ASB16: variants seen among roughly 807,000 people sequenced by gnomAD.
The protein encoded by ASB16 is ankyrin repeat and SOCS box containing 16, also known as ankyrin repeat and SOCS box protein 16.
ASB16 carries 44 observed loss-of-function variants against 39.1 expected under a neutral mutation model. The ratio of observed to expected loss-of-function variants is 1.13; its 90% CI spans 0.88 to 1.45. The LOEUF (loss-of-function observed/expected upper bound fraction) is 1.45. Ranked by LOEUF, ASB16 falls within the 40% of genes most tolerant of loss-of-function variation. The pLI, the probability that ASB16 is intolerant of heterozygous loss-of-function variation, is 0.00. For synonymous variants in ASB16, 305 were observed against 286.7 expected, an observed-to-expected ratio of 1.06 and a Z score of -0.64; for missense variants, 698 against 634.5, an observed-to-expected ratio of 1.10 and a Z score of -1.07.
In ASB16 at chr17:44,173,285, C is replaced by T. The variant is rs536737880; in HGVS notation, c.569+972C>T. On this transcript the variant is annotated intron_variant, in intron 2 of 4. Transcript: ENST00000293414. The stretch of plus-strand genomic sequence containing the variant: ...GCTGGCGCCTGTAATCCTAGCTACT[C>T]GGGAGGCTGAGGCAGGAGAATCGCT... Among the ~76,000 whole-genome samples, 7 of 146,764 alleles carry T rather than the reference C, an allele frequency of 4.8e-5. No individual in the cohort carries two copies. In the South Asian group the frequency reaches 6.6e-4, roughly 14 times the overall value.
chr17:44,172,176 C>T lies in ASB16; in HGVS notation c.432C>T (p.Arg144=), dbSNP rs369102293. 42 of 1,612,528 alleles carry T rather than the reference C, an allele frequency of 2.6e-5. No homozygotes were observed. The highest frequency in any genetic ancestry group is 2.9e-5 in the Non-Finnish European group (34 of 1,180,042). Reference sequence around the variant, plus strand: ...AGCTGGATGCCCGTGTCGGGGGTCGCGCTGCCTTGCATGAGGCCTGTGCCC... The same window carrying T: ...AGCTGGATGCCCGTGTCGGGGGTCGTGCTGCCTTGCATGAGGCCTGTGCCC... The part of the protein sequence containing the change: ...GAELDARVGG[R]AALHEACARA... Residue 144 remains arginine, a synonymous_variant, in exon 2 of 5, where the codon CGC becomes CGT. Transcript: ENST00000293414.
At chr17:44,175,293 T>C (rs1418260532) in intron 2 of ASB16, among the ~76,000 whole-genome samples, 1 of 149,102 alleles carries the variant, frequency 6.7e-6, no homozygotes, top group African/African-American at 2.5e-5. Flanking sequence ...TCCCAGCTAC[T>C]TGGGAGGCTG....
intron 2 of ASB16, among the ~76,000 whole-genome samples, chr17:44,174,331 C>T (rs950189592): frequency 6.6e-6 from 1 of 152,150 alleles, no homozygotes; most frequent in African/African-American, 2.4e-5. Flanking sequence ...AGGCGTGAGC[C>T]ACCGCGCCCG....
rs1219577760 is a variant in ASB16, at chr17:44,177,630, T to C, written c.1084T>C (p.Phe362Leu). The C allele has an allele frequency of 1.4e-5, 23 of 1,613,712 alleles. No individual in the cohort carries two copies. Among genetic ancestry groups the C allele is most frequent in the Non-Finnish European group, 1.9e-5 (22 of 1,179,732 alleles). ...CTAGATGCTGAAACACTGCGCCAAC[T>C]TCCCTCGGGCCCTGGAAGTCCTGCT... is the stretch of plus-strand genomic sequence containing the variant. ...RPEMLKHCAN[F>L]PRALEVLLNA... The change falls in exon 4 of 5, where the codon TTC becomes CTC. Residue 362 changes from phenylalanine (F) to leucine (L), a missense_variant. By Grantham distance (22) the Phe-to-Leu change is conservative. Transcript: ENST00000293414.
At position 44,177,206 on chromosome 17, in the gene ASB16, C is replaced by A. The variant is rs1409648092; in HGVS notation, c.1038C>A (p.Tyr346Ter). 1.3e-6 allele frequency: 2 copies of A among 1,541,328 alleles called. No individual in the cohort carries two copies. Among genetic ancestry groups the A allele is most frequent in the East Asian group, 2.4e-5 (1 of 41,298 alleles). Reference protein sequence around the residue: ...PEVLFAALLDYGAQPVRPEML... With the variant: ...PEVLFAALLD Reference sequence around the variant, plus strand: ...TCCTTTTCGCCGCACTGCTGGACTACGGGGCGCAGCCAGTGCGCCCTGAGG... The same window carrying A: ...TCCTTTTCGCCGCACTGCTGGACTAAGGGGCGCAGCCAGTGCGCCCTGAGG... Residue 346 changes from tyrosine (Y) to a stop codon, truncating the protein, a stop_gained, in exon 3 of 5, where the codon TAC becomes TAA. Coordinates refer to ENST00000293414, the MANE Select transcript of ASB16 (RefSeq NM_080863.5). LOFTEE classifies it high-confidence loss of function.
At chr17:44,176,437 T>G in intron 2 of ASB16, 1 of 471,906 alleles carries the variant, frequency 2.1e-6, no homozygotes, top group Non-Finnish European at 3.9e-6. Context: ...GAGTAGACTG[T>G]GGGAGGGACT....
chr17:44,172,344 G>A, intron 2 of ASB16, 31 bp downstream of exon 2: 1 of 1,572,412 alleles, frequency 6.4e-7, no homozygotes, highest in South Asian at 1.1e-5. Context: ...ACAGTTTGGG[G>A]AGAAATGTGT....
Position 44,178,434 on chromosome 17 carries a change from C to A in ASB16, c.*44C>A. 1 of 1,504,846 alleles carries A rather than the reference C, an allele frequency of 6.6e-7. No homozygotes were observed. 93.2% of individuals were successfully genotyped at this position (1,504,846 alleles called of 1,614,324 possible). A position where few individuals can be genotyped will look rare whatever the true frequency, so the allele number is the denominator to read the frequency against. On this transcript the variant is annotated 3_prime_UTR_variant, in exon 5 of 5. Transcript: ENST00000293414. The stretch of plus-strand genomic sequence containing the variant: ...CCATGGTGTGTTCTGCCCCTCCCAC[C>A]TGTCCCCGCCTCCAACTGCGGAGGA...
Position 44,177,211 on chromosome 17 carries a change from C to A in ASB16, c.1043C>A (p.Ala348Glu), listed in dbSNP as rs746016581. 6.5e-7 allele frequency: 1 copy of A among 1,541,458 alleles called. No individual in the cohort carries two copies. Among genetic ancestry groups the A allele is most frequent in the Non-Finnish European group, 8.7e-7 (1 of 1,144,178 alleles). Residue 348 changes from alanine to glutamate, a missense_variant, in exon 3 of 5, where the codon GCG (alanine) becomes GAG (glutamate). Ala to Glu is a moderately radical substitution (Grantham distance 107). Coordinates refer to ENST00000293414, the MANE Select transcript of ASB16 (RefSeq NM_080863.5). The part of the protein sequence containing the change: ...VLFAALLDYG[A>E]QPVRPEMLKH... ...TTCGCCGCACTGCTGGACTACGGGG[C>A]GCAGCCAGTGCGCCCTGAGGTGCGC...
At chr17:44,177,486 G>A (rs2144192961) in intron 3 of ASB16, 123 bp from the exon 4 acceptor site, 1 of 1,317,318 alleles carries the variant, frequency 7.6e-7, no homozygotes. Context: ...CACAAAAAAG[G>A]GAAGAGAGAC....
Position 44,177,640 on chromosome 17 carries a change from C to G in ASB16, c.1094C>G (p.Ala365Gly). 1 of 1,613,934 alleles carries G rather than the reference C, an allele frequency of 6.2e-7. No homozygotes were observed. Among genetic ancestry groups the G allele is most frequent in the Non-Finnish European group, 8.5e-7 (1 of 1,179,882 alleles). The change falls in exon 4 of 5, where the codon GCC (alanine) becomes GGC (glycine). Residue 365 changes from alanine (A) to glycine (G), a missense_variant. Physicochemically the swap from Ala to Gly is moderately conservative, Grantham distance 60. Transcript: ENST00000293414. ...MLKHCANFPR[A>G]LEVLLNAYPC... Reference sequence around the variant, plus strand: ...AAACACTGCGCCAACTTCCCTCGGGCCCTGGAAGTCCTGCTTAATGCCTAT... The same window carrying G: ...AAACACTGCGCCAACTTCCCTCGGGGCCTGGAAGTCCTGCTTAATGCCTAT...
chr17:44,175,516 A>C (rs1337356460), intron 2 of ASB16, among the ~76,000 whole-genome samples: 1 of 152,110 alleles, frequency 6.6e-6, no homozygotes, highest in African/African-American at 2.4e-5. Flanking sequence ...GCTGCTACTC[A>C]CATCTTGGCT....
At chr17:44,176,510 C>T (rs2054292067) in intron 2 of ASB16, 4 of 667,464 alleles carry the variant, frequency 6.0e-6, no homozygotes, top group Admixed American at 2.6e-5. Flanking sequence ...CTTGGCTGCA[C>T]AAATCACTCC....
At position 44,171,032 on chromosome 17, in the gene ASB16, GGCC is replaced by G; in HGVS notation, c.247_249del (p.Ala83del). 6.2e-7 allele frequency: 1 copy of G among 1,614,094 alleles called. No individual in the cohort carries two copies. The highest frequency in any genetic ancestry group is 1.7e-5 in the Admixed American group (1 of 60,010). On this transcript the variant is annotated inframe_deletion, in exon 1 of 5. Coordinates refer to ENST00000293414, the MANE Select transcript of ASB16 (RefSeq NM_080863.5). ...TCCAAGCCCTGTTCCAAGATGAAGA[GGCC>G]GCCAACATGATTGTGGAGACTGTGA...
chr17:44,171,033 G>C lies in ASB16; in HGVS notation c.244G>C (p.Ala82Pro), dbSNP rs1818439217. The stretch of plus-strand genomic sequence containing the variant: ...CCAAGCCCTGTTCCAAGATGAAGAG[G>C]CCGCCAACATGATTGTGGAGACTGT... ...QVQALFQDEE[A>P]ANMIVETVSN... is the part of the protein sequence containing the mutation. Residue 82 changes from alanine to proline, a missense_variant, in exon 1 of 5, where the codon GCC becomes CCC. Ala to Pro is a conservative substitution (Grantham distance 27). Transcript: ENST00000293414. 1.2e-6 allele frequency: 2 copies of C among 1,613,964 alleles called. No homozygotes were observed. Among genetic ancestry groups the C allele is most frequent in the African/African-American group, 2.7e-5 (2 of 74,930 alleles).
rs1169472889 is a variant in ASB16 at position 44,171,090 on chromosome 17, G to A, written c.301G>A (p.Gly101Arg). 1.2e-6 allele frequency: 2 copies of A among 1,611,222 alleles called. No individual in the cohort carries two copies. The highest frequency in any genetic ancestry group is 1.7e-6 in the Non-Finnish European group (2 of 1,178,208). Residue 101 changes from glycine to arginine, a missense_variant and splice_region_variant, in exon 1 of 5, where the codon GGG (glycine) becomes AGG (arginine). Coordinates refer to ENST00000293414, the MANE Select transcript of ASB16 (RefSeq NM_080863.5). ...SNQLAWSAEQ[G>R]FWVLTPKTKQ... ...CCAGCTGGCCTGGTCGGCTGAACAG[G>A]GTAGGGGGCACCAGAAGAGGGCAGA...
At position 44,172,177 on chromosome 17, in the gene ASB16, G is replaced by C. The variant is rs752303230; in HGVS notation, c.433G>C (p.Ala145Pro). The change falls in exon 2 of 5, where the codon GCT becomes CCT. Residue 145 changes from alanine to proline, a missense_variant. Transcript: ENST00000293414. Reference protein sequence around the residue: ...AELDARVGGRAALHEACARAQ... With the variant: ...AELDARVGGRPALHEACARAQ... ...GCTGGATGCCCGTGTCGGGGGTCGC[G>C]CTGCCTTGCATGAGGCCTGTGCCCG... is the stretch of plus-strand genomic sequence containing the variant. The C allele has an allele frequency of 6.2e-7, 1 of 1,612,032 alleles. No homozygotes were observed. Among genetic ancestry groups the C allele is most frequent in the Non-Finnish European group, 8.5e-7 (1 of 1,179,974 alleles).
In ASB16 at chr17:44,172,063, C is replaced by A. The variant is rs1190887093; in HGVS notation, c.319C>A (p.Pro107Thr). 6 of 1,612,414 alleles carry A rather than the reference C, an allele frequency of 3.7e-6. No homozygotes were observed. The highest frequency in any genetic ancestry group is 3.3e-4 in the Middle Eastern group (2 of 6,060). ...CTCCCTAGGGTTCTGGGTGCTGACCCCCAAGACCAAGCAGACGGCACCCCT... is the reference window on the plus strand; with the variant it reads ...CTCCCTAGGGTTCTGGGTGCTGACCACCAAGACCAAGCAGACGGCACCCCT... ...SAEQGFWVLT[P>T]KTKQTAPLAI... Residue 107 changes from proline to threonine, a missense_variant, in exon 2 of 5, where the codon CCC (proline) becomes ACC (threonine). Pro to Thr is a conservative substitution (Grantham distance 38). Transcript: ENST00000293414.
rs2054249977 is a variant in ASB16 at position 44,172,294 on chromosome 17, A to ACGATCCC, written c.554_560dup (p.Glu187AspfsTer75). ...GGGCACGACTCCTTTGCACCTCTGCACGATCCCCGAGTCCTTGCAGTAGGT... is the reference window on the plus strand; with the variant it reads ...GGGCACGACTCCTTTGCACCTCTGCACGATCCCCGATCCCCGAGTCCTTGCAGTAGGT... On this transcript the variant is annotated frameshift_variant, in exon 2 of 5. Coordinates refer to ENST00000293414, the MANE Select transcript of ASB16 (RefSeq NM_080863.5). LOFTEE classifies it high-confidence loss of function. 6.2e-7 allele frequency: 1 copy of ACGATCCC among 1,612,780 alleles called. No homozygotes were observed. The highest frequency in any genetic ancestry group is 1.1e-5 in the South Asian group (1 of 91,086).
Sources: allele counts gnomAD v4.1 joint callset (sites outside exome capture counted in the v4.1 genomes callset), GRCh38; gene constraint gnomAD v4.1.1; transcripts MANE v1.5; gene names NCBI Gene and HGNC (gene_info 2026-07-23, HGNC 2026-07-21).